CDK17: variants seen among roughly 807,000 people sequenced by gnomAD.
The protein encoded by CDK17 is cyclin-dependent kinase 17.
Under a neutral mutation model 77.6 loss-of-function variants are expected in CDK17, and 24 were observed. The observed-to-expected ratio is 0.31, with a 90% CI of 0.22 to 0.44. The LOEUF (loss-of-function observed/expected upper bound fraction) is 0.44. Among genes scored for constraint, CDK17 ranks in the 20% least tolerant of loss-of-function variants. The pLI is 1.00. For missense variants in CDK17, 429 were observed against 622.5 expected, an observed-to-expected ratio of 0.69 and a Z score of 3.31; for synonymous variants, 203 against 210.4, an observed-to-expected ratio of 0.96 and a Z score of 0.30.
intron 1 of CDK17, among the ~76,000 whole-genome samples, chr12:96,355,761 G>A (rs1416442266): frequency 6.6e-6 from 1 of 152,090 alleles, no homozygotes; most frequent in Non-Finnish European, 1.5e-5. Context: ...TAAGAACAGG[G>A]AATTAATATA....
chr12:96,282,272 C>G, intron 15 of CDK17: 1 of 385,626 alleles, frequency 2.6e-6, no homozygotes, highest in East Asian at 4.0e-5. Context: ...GATTAATGAT[C>G]CTTGCCTAAG....
chr12:96,295,222 G>A (rs1368442740), intron 9 of CDK17, 100 bp from the exon 10 acceptor site: 9 of 870,908 alleles, frequency 1.0e-5, no homozygotes, highest in East Asian at 2.5e-5. Flanking sequence ...CTAGAACATT[G>A]TAACAGGAAA....
intron 3 of CDK17, 69 bp from the exon 4 acceptor site, chr12:96,313,523 G>A: frequency 1.1e-6 from 1 of 882,840 alleles, no homozygotes; most frequent in Non-Finnish European, 1.6e-6. Flanking sequence ...ATCACTATGG[G>A]TAAAATATAG....
chr12:96,390,788 TTATTTAATTACTGTAATTC>T (rs1954055506), intron 1 of CDK17, among the ~76,000 whole-genome samples: 1 of 151,304 alleles, frequency 6.6e-6, no homozygotes, highest in South Asian at 2.1e-4. Context: ...GGAACAGTTT[TTATTTAATTACTGTAATTC>T]CATTTAAAAA....
chr12:96,346,864 G>A (rs1336077191), intron 1 of CDK17, among the ~76,000 whole-genome samples: 3 of 146,214 alleles, frequency 2.1e-5, no homozygotes, highest in Non-Finnish European at 4.5e-5. Context: ...GCAGTGAGCC[G>A]AGATCACACC....
chr12:96,368,356 G>A (rs1007056318), intron 1 of CDK17, among the ~76,000 whole-genome samples: 13 of 152,180 alleles, frequency 8.5e-5, no homozygotes, highest in Admixed American at 3.3e-4. Context: ...GGTAGGAAAT[G>A]AGAGGTTATC....
At chr12:96,363,011 A>T (rs1186178336) in intron 1 of CDK17, among the ~76,000 whole-genome samples, 1 of 152,234 alleles carries the variant, frequency 6.6e-6, no homozygotes, top group Non-Finnish European at 1.5e-5. Flanking sequence ...AGAATTCATG[A>T]GCTCTTTGAC....
intron 1 of CDK17, among the ~76,000 whole-genome samples, chr12:96,377,909 G>A (rs1472460115): frequency 6.6e-6 from 1 of 152,102 alleles, no homozygotes; most frequent in Non-Finnish European, 1.5e-5. Context: ...TAGCCAGGAT[G>A]GTCTTGATCT....
intron 2 of CDK17, among the ~76,000 whole-genome samples, chr12:96,326,740 T>C (rs1952896025): frequency 6.6e-6 from 1 of 152,188 alleles, no homozygotes; most frequent in African/African-American, 2.4e-5. Flanking sequence ...GGTCCAGGGA[T>C]CACACTTTGA....
intron 5 of CDK17, among the ~76,000 whole-genome samples, chr12:96,301,374 T>C (rs1305594871): frequency 6.6e-6 from 1 of 151,800 alleles, no homozygotes; most frequent in Non-Finnish European, 1.5e-5. Context: ...ACAGGGTACA[T>C]GAAATATACC....
At chr12:96,302,166 G>T (rs1050349721) in intron 5 of CDK17, among the ~76,000 whole-genome samples, 3 of 151,922 alleles carry the variant, frequency 2.0e-5, no homozygotes, top group Admixed American at 2.0e-4. Context: ...TCGCTTTCTA[G>T]TATCAATAAC....
chr12:96,353,476 TTC>T (rs887047696), intron 1 of CDK17, among the ~76,000 whole-genome samples: 1 of 152,134 alleles, frequency 6.6e-6, no homozygotes, highest in African/African-American at 2.4e-5. Flanking sequence ...GTGAAACTGT[TTC>T]TGTTTCTTTC....
intron 1 of CDK17, among the ~76,000 whole-genome samples, chr12:96,356,941 T>C (rs940523703): frequency 6.6e-6 from 1 of 152,218 alleles, no homozygotes; most frequent in Non-Finnish European, 1.5e-5. Flanking sequence ...CCATCATGAA[T>C]AATAAATTGA....
chr12:96,390,021 G>A (rs1389703576), intron 1 of CDK17, among the ~76,000 whole-genome samples: 3 of 151,748 alleles, frequency 2.0e-5, no homozygotes, highest in African/African-American at 7.3e-5. Flanking sequence ...GTAGAGACGG[G>A]GTTTCACCAT....
chr12:96,301,241 CAAAA>C (rs376295045), intron 5 of CDK17, among the ~76,000 whole-genome samples: 1 of 85,574 alleles, frequency 1.2e-5, no homozygotes, highest in Non-Finnish European at 2.3e-5. Flanking sequence ...AACACTCGGC[CAAAA>C]AAAAAAAAAA....
intron 1 of CDK17, among the ~76,000 whole-genome samples, chr12:96,375,510 CTTT>C (rs34451499): frequency 2.0e-5 from 2 of 101,570 alleles, no homozygotes; most frequent in African/African-American, 3.8e-5. Context: ...TGATCCTAAC[CTTT>C]TTTTTTTTTT....
At chr12:96,316,685 C>G (rs561306641) in intron 3 of CDK17, among the ~76,000 whole-genome samples, 1 of 127,254 alleles carries the variant, frequency 7.9e-6, no homozygotes, top group South Asian at 2.5e-4. Flanking sequence ...AGGCACCCCC[C>G]AGCAGGGGCA....
At chr12:96,335,490 GAC>G (rs1953029415) in intron 1 of CDK17, among the ~76,000 whole-genome samples, 1 of 152,194 alleles carries the variant, frequency 6.6e-6, no homozygotes, top group Admixed American at 6.5e-5. Context: ...CCACACAGCA[GAC>G]ACTTTCATAT....
chr12:96,384,025 A>C (rs1953929131), intron 1 of CDK17, among the ~76,000 whole-genome samples: 1 of 152,134 alleles, frequency 6.6e-6, no homozygotes, highest in Non-Finnish European at 1.5e-5. Flanking sequence ...CAAAGGACTA[A>C]TATTCAGAAT....
Sources: gnomAD v4.1 joint callset for allele counts (sites outside exome capture counted in the v4.1 genomes callset) on GRCh38, gnomAD v4.1.1 for gene constraint, MANE v1.5 for transcripts, NCBI Gene and HGNC (gene_info 2026-07-23, HGNC 2026-07-21) for gene names.